AFG1L: variants seen among roughly 807,000 people sequenced by gnomAD.
The protein encoded by AFG1L is AFG1 like ATPase.
Under a neutral mutation model 62.2 loss-of-function variants are expected in AFG1L, and 53 were observed. That is an observed-to-expected ratio of 0.85 (90% CI 0.68 to 1.07). The LOEUF is 1.07. Among genes scored for constraint, AFG1L ranks in the 50% least tolerant of loss-of-function variants. The pLI is 0.00. For missense variants in AFG1L, 555 were observed against 590.5 expected, an observed-to-expected ratio of 0.94 and a Z score of 0.62; for synonymous variants, 228 against 210.3, an observed-to-expected ratio of 1.08 and a Z score of -0.73.
At position 108,524,438 on chromosome 6, in the gene AFG1L, G is replaced by A. The variant is rs897757899; in HGVS notation, c.*2013G>A. 3.3e-5 allele frequency: 5 copies of A among 152,182 alleles called. No individual in the cohort carries two copies. Among genetic ancestry groups the A allele is most frequent in the African/African-American group, 1.2e-4 (5 of 41,438 alleles). 9.4% of individuals were successfully genotyped at this position (152,182 alleles called of 1,614,324 possible). ...AAAAGTTCATCTGAGGTCAGATATT[G>A]GGAATAAAGTTTCATTTTTCCATCG... is the stretch of plus-strand genomic sequence containing the variant. On this transcript the variant is annotated 3_prime_UTR_variant, in exon 13 of 13. Transcript: ENST00000368977.
At chr6:108,385,890 T>C (rs1302398843) in intron 6 of AFG1L, among the ~76,000 whole-genome samples, 4 of 151,894 alleles carry the variant, frequency 2.6e-5, no homozygotes, top group African/African-American at 4.8e-5. Context: ...GCAGGAGGAT[T>C]GCTTGGGGCT....
At chr6:108,319,072 T>A (rs62427152) in intron 1 of AFG1L, among the ~76,000 whole-genome samples, 16 of 152,272 alleles carry the variant, frequency 1.1e-4, no homozygotes, top group Admixed American at 9.2e-4. Flanking sequence ...GGTTTTCTTT[T>A]CCAAAAACTG....
At chr6:108,373,867 T>C (rs1435638734) in intron 6 of AFG1L, among the ~76,000 whole-genome samples, 5 of 152,156 alleles carry the variant, frequency 3.3e-5, no homozygotes, top group Non-Finnish European at 7.3e-5. Context: ...CGTGAGCCAC[T>C]GCGCCTGGCC....
chr6:108,452,483 A>G (rs1415678153), intron 8 of AFG1L, among the ~76,000 whole-genome samples: 1 of 152,022 alleles, frequency 6.6e-6, no homozygotes, highest in Non-Finnish European at 1.5e-5. Context: ...CAAACACCAT[A>G]TCTTTCCATA....
intron 7 of AFG1L, among the ~76,000 whole-genome samples, chr6:108,415,868 T>C (rs527727550): frequency 5.9e-5 from 9 of 152,316 alleles, no homozygotes; most frequent in Non-Finnish European, 1.0e-4. Context: ...GGGCAAGGAC[T>C]TCACGTCTAA....
At chr6:108,521,640 T>C (rs1775128008) in intron 12 of AFG1L, 1 of 152,180 alleles carries the variant, frequency 6.6e-6, no homozygotes, top group African/African-American at 2.4e-5. Flanking sequence ...AGAATTTTTC[T>C]CTGAAAAAGC....
intron 7 of AFG1L, among the ~76,000 whole-genome samples, chr6:108,416,252 A>G (rs1374225353): frequency 6.6e-6 from 1 of 152,226 alleles, no homozygotes; most frequent in African/African-American, 2.4e-5. Context: ...TAGAATGGCA[A>G]TCATTAAAAA....
In AFG1L at chr6:108,524,988, A is replaced by G. The variant is rs1387857014; in HGVS notation, c.*2563A>G. On this transcript the variant is annotated 3_prime_UTR_variant, in exon 13 of 13. Coordinates refer to ENST00000368977, the MANE Select transcript of AFG1L (RefSeq NM_145315.5). ...GCCCTGCCCCTATTACATTCTCAGC[A>G]TTCCAGTCTTTCTCCATAGAAGTCT... 1 of 152,246 alleles carries G rather than the reference A, an allele frequency of 6.6e-6. No homozygotes were observed. Among genetic ancestry groups the G allele is most frequent in the Non-Finnish European group, 1.5e-5 (1 of 68,038 alleles). The allele number at this position is 152,246 out of a possible 1,614,324, so 9.4% of individuals were successfully genotyped here.
At chr6:108,508,943 T>C (rs1331321899) in intron 10 of AFG1L, among the ~76,000 whole-genome samples, 2 of 152,168 alleles carry the variant, frequency 1.3e-5, no homozygotes, top group Admixed American at 6.5e-5. Flanking sequence ...ACCTGTGTCC[T>C]AGAGGTCGAT....
chr6:108,352,447 A>G (rs9486863), intron 3 of AFG1L, among the ~76,000 whole-genome samples: 3 of 152,282 alleles, frequency 2.0e-5, no homozygotes, highest in Non-Finnish European at 4.4e-5. Flanking sequence ...TAGCATTTGC[A>G]TATAAACTTT....
rs1280120612 is a variant in AFG1L at position 108,522,410 on chromosome 6, C to T, written c.1431C>T (p.Asp477=). The part of the protein sequence containing the change: ...MQTEQYWNEG[D]RTKK ...CTGAACAGTACTGGAATGAAGGAGA[C>T]AGAACCAAGAAGTAACTGCCACTTT... The change falls in exon 13 of 13, where the codon GAC becomes GAT. Residue 477 remains aspartate (D), a synonymous_variant. Coordinates refer to ENST00000368977, the MANE Select transcript of AFG1L (RefSeq NM_145315.5). The T allele has an allele frequency of 6.2e-7, 1 of 1,609,898 alleles. No individual in the cohort carries two copies. The highest frequency in any genetic ancestry group is 1.7e-5 in the Admixed American group (1 of 59,910).
intron 7 of AFG1L, among the ~76,000 whole-genome samples, chr6:108,403,243 A>G (rs1207949609): frequency 6.6e-6 from 1 of 152,186 alleles, no homozygotes; most frequent in Non-Finnish European, 1.5e-5. Flanking sequence ...CTTTCTCCCC[A>G]TGCACATCAA....
intron 1 of AFG1L, among the ~76,000 whole-genome samples, chr6:108,312,724 G>C (rs757113615): frequency 3.9e-5 from 6 of 152,022 alleles, no homozygotes; most frequent in Non-Finnish European, 7.4e-5. Flanking sequence ...CATATGTCAA[G>C]ATTAAGATTA....
chr6:108,487,780 G>C (rs901455468), intron 10 of AFG1L, among the ~76,000 whole-genome samples: 1 of 152,194 alleles, frequency 6.6e-6, no homozygotes, highest in African/African-American at 2.4e-5. Context: ...CAAGCATCAC[G>C]TGTTTCAGGA....
intron 2 of AFG1L, among the ~76,000 whole-genome samples, chr6:108,342,422 TA>T (rs1172058738): frequency 6.6e-6 from 1 of 152,054 alleles, no homozygotes; most frequent in East Asian, 1.9e-4. Flanking sequence ...AATAGAAAAA[TA>T]GCATTAAGTT....
intron 7 of AFG1L, among the ~76,000 whole-genome samples, chr6:108,431,323 C>T (rs1362939277): frequency 3.3e-5 from 5 of 152,032 alleles, no homozygotes; most frequent in East Asian, 1.9e-4. Context: ...ATGCTGGTCT[C>T]GAACTGCTGA....
At chr6:108,317,000 A>T (rs984139828) in intron 1 of AFG1L, among the ~76,000 whole-genome samples, 2 of 152,152 alleles carry the variant, frequency 1.3e-5, no homozygotes, top group East Asian at 3.8e-4. Flanking sequence ...AGGCTCCAAG[A>T]CACGTACCTC....
intron 10 of AFG1L, among the ~76,000 whole-genome samples, chr6:108,483,343 G>C (rs979769251): frequency 6.6e-6 from 1 of 152,040 alleles, no homozygotes; most frequent in Non-Finnish European, 1.5e-5. Flanking sequence ...TTCTATTACA[G>C]TAAACACTGG....
At chr6:108,446,996 T>C (rs560548019) in intron 7 of AFG1L, among the ~76,000 whole-genome samples, 1 of 152,354 alleles carries the variant, frequency 6.6e-6, no homozygotes, top group African/African-American at 2.4e-5. Context: ...GATGCAAATT[T>C]TAATTTTTTT....
Sources: gnomAD v4.1 joint callset for allele counts (sites outside exome capture counted in the v4.1 genomes callset) on GRCh38, gnomAD v4.1.1 for gene constraint, MANE v1.5 for transcripts, NCBI Gene and HGNC (gene_info 2026-07-23, HGNC 2026-07-21) for gene names.